The following MAF variants were observed in gnomAD, a reference collection of about 807,000 sequenced individuals.
MAF encodes transcription factor Maf.
MAF carries 10 observed loss-of-function variants against 22.0 expected under a neutral mutation model. The ratio of observed to expected loss-of-function variants is 0.45; its 90% confidence interval spans 0.28 to 0.77. MAF has a LOEUF of 0.77. MAF is among the 30% of genes least tolerant of loss of function. MAF has a pLI of 0.12. For missense variants in MAF, 544 were observed against 548.4 expected (o/e 0.99, Z 0.08); for synonymous variants, 337 against 255.8 (o/e 1.32, Z -3.03).
chr16:79,342,061 T>C, the MAF span, among the ~76,000 whole-genome samples: 2 of 152,252 alleles, frequency 1.3e-5, no homozygotes, highest in Non-Finnish European at 2.9e-5. Flanking sequence ...CTTATTTCTT[T>C]GATCTTCAAA....
chr16:79,518,859 A>G, the MAF span, among the ~76,000 whole-genome samples: 1 of 152,176 alleles, frequency 6.6e-6, no homozygotes, highest in Admixed American at 6.5e-5. Context: ...CAGGAGGCGG[A>G]GGTTGCCATG....
the MAF span, among the ~76,000 whole-genome samples, chr16:79,291,507 C>T: frequency 1.3e-5 from 2 of 151,830 alleles, no homozygotes; most frequent in African/African-American, 4.8e-5. Flanking sequence ...TTACCTTTTC[C>T]TTTTTTCCTT....
the MAF span, among the ~76,000 whole-genome samples, chr16:79,550,608 G>C: frequency 6.6e-6 from 1 of 152,296 alleles, no homozygotes; most frequent in African/African-American, 2.4e-5. Flanking sequence ...CCACCTGGCA[G>C]ACAGGATCAT....
chr16:79,449,973 A>C, the MAF span, among the ~76,000 whole-genome samples: 1 of 152,212 alleles, frequency 6.6e-6, no homozygotes, highest in South Asian at 2.1e-4. Context: ...TTTCTTTCAG[A>C]ATAGTTTGGA....
chr16:79,439,609 G>C, the MAF span, among the ~76,000 whole-genome samples: 36 of 152,236 alleles, frequency 2.4e-4, no homozygotes, highest in Middle Eastern at 3.4e-3. Context: ...AGAAAACAAA[G>C]GTTCCAAGGA....
At chr16:79,454,860 G>A in the MAF span, among the ~76,000 whole-genome samples, 1 of 152,064 alleles carries the variant, frequency 6.6e-6, no homozygotes, top group Admixed American at 6.5e-5. Flanking sequence ...ACTTTGGGAG[G>A]CCGAGGCAGG....
the MAF span, among the ~76,000 whole-genome samples, chr16:79,336,710 A>G: frequency 5.9e-5 from 9 of 152,194 alleles, no homozygotes; most frequent in African/African-American, 2.2e-4. Context: ...ATTTTACTCC[A>G]GGGAGTTTCA....
At chr16:79,513,125 A>T in the MAF span, among the ~76,000 whole-genome samples, 16 of 152,170 alleles carry the variant, frequency 1.1e-4, no homozygotes, top group African/African-American at 3.4e-4. Flanking sequence ...GCAAGCTCAC[A>T]CTCTCACACT....
At chr16:79,343,242 C>A in the MAF span, among the ~76,000 whole-genome samples, 1 of 151,904 alleles carries the variant, frequency 6.6e-6, no homozygotes, top group Admixed American at 6.6e-5. Context: ...GCCCCAACCC[C>A]CCCCCAAAAA....
the MAF span, among the ~76,000 whole-genome samples, chr16:79,556,038 A>T: frequency 6.7e-6 from 1 of 149,336 alleles, no homozygotes; most frequent in Admixed American, 6.6e-5. Context: ...TAGTTTGTTT[A>T]GTTTAGTTTA....
chr16:79,358,481 C>T, the MAF span, among the ~76,000 whole-genome samples: 129 of 152,242 alleles, frequency 8.5e-4, 2 homozygotes, highest in African/African-American at 2.9e-3. Context: ...CTTGATCCCA[C>T]CCAACTCCAG....
chr16:79,286,404 GC>G, the MAF span, among the ~76,000 whole-genome samples: 1 of 152,090 alleles, frequency 6.6e-6, no homozygotes, highest in Admixed American at 6.5e-5. Context: ...TGAAAAGTTG[GC>G]CCCACCATCA....
At chr16:79,376,895 T>G in the MAF span, among the ~76,000 whole-genome samples, 3 of 152,268 alleles carry the variant, frequency 2.0e-5, no homozygotes, top group Non-Finnish European at 4.4e-5. Flanking sequence ...GGTGTATATA[T>G]GCCACATTTT....
the MAF span, among the ~76,000 whole-genome samples, chr16:79,381,528 T>A: frequency 8.7e-4 from 133 of 152,198 alleles, 2 homozygotes; most frequent in Non-Finnish European, 1.5e-3. Flanking sequence ...GGTGTTTATT[T>A]GGGGAAAGCA....
the MAF span, among the ~76,000 whole-genome samples, chr16:79,207,953 C>G: frequency 1.5e-4 from 23 of 152,118 alleles, no homozygotes; most frequent in Admixed American, 1.3e-3. Context: ...CATCCCAACA[C>G]CGAGTTTTGG....
the MAF span, among the ~76,000 whole-genome samples, chr16:79,344,011 A>G: frequency 6.6e-6 from 1 of 152,176 alleles, no homozygotes; most frequent in East Asian, 1.9e-4. Flanking sequence ...AGTGAGTGTC[A>G]TTTGCTCATC....
the MAF span, among the ~76,000 whole-genome samples, chr16:79,441,145 T>G: frequency 8.5e-5 from 13 of 152,242 alleles, no homozygotes; most frequent in Non-Finnish European, 8.8e-5. Flanking sequence ...TTCCCCATCT[T>G]GAAAACAAAA....
the MAF span, among the ~76,000 whole-genome samples, chr16:79,422,191 T>G: frequency 6.6e-6 from 1 of 152,334 alleles, no homozygotes; most frequent in Middle Eastern, 3.4e-3. Flanking sequence ...ATTTTGGGTT[T>G]CTCTGCTTTA....
the MAF span, among the ~76,000 whole-genome samples, chr16:79,296,552 A>C: frequency 6.6e-6 from 1 of 152,194 alleles, no homozygotes; most frequent in Non-Finnish European, 1.5e-5. Flanking sequence ...AAAGAAAAAA[A>C]TCAGTTTCAT....
Sources: allele counts gnomAD v4.1 joint callset (sites outside exome capture counted in the v4.1 genomes callset), GRCh38; gene constraint gnomAD v4.1.1; transcripts MANE v1.5; gene names NCBI Gene and HGNC (gene_info 2026-07-23, HGNC 2026-07-21).